AHNAK: variants seen among roughly 807,000 people sequenced by gnomAD.
The protein encoded by AHNAK is AHNAK nucleoprotein, also known as neuroblast differentiation-associated protein AHNAK.
In AHNAK, 23 loss-of-function variants were observed where a neutral mutation model predicts 37.8. The observed-to-expected ratio is 0.61, with a 90% confidence interval of 0.44 to 0.86. The LOEUF is 0.86. Ranked by LOEUF, AHNAK falls within the 40% of genes least tolerant of loss-of-function variation. The probability of loss-of-function intolerance (pLI) is 0.00; values close to 1 mark genes in which losing one functional copy is unlikely to be tolerated. For missense variants in AHNAK, 7,411 were observed against 7,319.4 expected (o/e 1.01, Z -0.46); for synonymous variants, 2,481 against 2,636.3 (o/e 0.94, Z 1.80).
At chr11:62,467,211 T>TA (rs57593006) in intron 5 of AHNAK, among the ~76,000 whole-genome samples, 118,070 of 137,966 alleles carry the variant, frequency 0.86, 50,673 homozygotes, top group South Asian at 0.93. Flanking sequence ...GATCCTGTCT[T>TA]AAAAAAAAAA....
intron 5 of AHNAK, among the ~76,000 whole-genome samples, chr11:62,462,147 G>C (rs1328823106): frequency 6.6e-6 from 1 of 152,078 alleles, no homozygotes; most frequent in East Asian, 1.9e-4. Flanking sequence ...CTGGCACCTG[G>C]AACTCCTCTT....
Position 62,509,310 on chromosome 11 carries a change from G to A in AHNAK, c.343-17479C>T, listed in dbSNP as rs530043839. ...CAGCCGGGCACGGTGGCTCACGCCTGTAATTCCAGCACTTTGGGAGGCCAA... is the reference window on the plus strand; with the variant it reads ...CAGCCGGGCACGGTGGCTCACGCCTATAATTCCAGCACTTTGGGAGGCCAA... On this transcript the variant is annotated intron_variant, in intron 4 of 5. Coordinates refer to the AHNAK transcript ENST00000257247. Among the ~76,000 whole-genome samples, 15 of 152,294 alleles carry A rather than the reference G, an allele frequency of 9.8e-5. No individual in the cohort carries two copies. The South Asian group carries it at 3.1e-3, about 32-fold the overall frequency.
rs781412667 is a variant in AHNAK, at chr11:62,524,124, T to C, written c.10293A>G (p.Gly3431=). The C allele has an allele frequency of 5.0e-6, 8 of 1,614,134 alleles. No individual in the cohort carries two copies. The highest frequency in any genetic ancestry group is 5.9e-6 in the Non-Finnish European group (7 of 1,180,034). The part of the protein sequence containing the change: ...ELNLKSPKVK[G]DLDIAGPNLE... ...AATTGGGACCTGCAATATCTAAGTC[T>C]CCTTTGACTTTGGGACTTTTCAAAT... The change falls in exon 5 of 5, where the codon GGA becomes GGG. Residue 3431 remains glycine (G), a synonymous_variant. Transcript: ENST00000378024.
intron 5 of AHNAK, among the ~76,000 whole-genome samples, chr11:62,465,308 A>G (rs73498057): frequency 0.022 from 3,399 of 152,220 alleles, 127 homozygotes; most frequent in African/African-American, 0.076. Context: ...GTCTTTGCAG[A>G]TGTGATCAAA....
chr11:62,518,855 C>T lies in AHNAK; in HGVS notation c.15562G>A (p.Gly5188Ser), dbSNP rs778384993. Reference protein sequence around the residue: ...LDAKVKTPSFGISAPQVSIPD... With the variant: ...LDAKVKTPSFSISAPQVSIPD... ...ATGGAGACTTGAGGGGCAGAAATGCCGAAGGACGGTGTTTTGACTTTAGCA... is the reference window on the plus strand; with the variant it reads ...ATGGAGACTTGAGGGGCAGAAATGCTGAAGGACGGTGTTTTGACTTTAGCA... The change falls in exon 5 of 5, where the codon GGC becomes AGC. Residue 5188 changes from glycine to serine, a missense_variant. By Grantham distance (56) the Gly-to-Ser change is moderately conservative. Coordinates refer to ENST00000378024, the MANE Select transcript of AHNAK (RefSeq NM_001620.3). 1.9e-5 allele frequency: 31 copies of T among 1,614,044 alleles called. No homozygotes were observed. In the Admixed American group the frequency reaches 3.3e-4, roughly 17 times the overall value.
intron 5 of AHNAK, among the ~76,000 whole-genome samples, chr11:62,441,065 A>G (rs1344255899): frequency 2.6e-5 from 4 of 151,718 alleles, no homozygotes; most frequent in African/African-American, 9.7e-5. Context: ...CAGTGGCATC[A>G]TCTCAGCTCA....
intron 5 of AHNAK, among the ~76,000 whole-genome samples, chr11:62,467,636 G>A (rs1938940422): frequency 6.6e-6 from 1 of 152,202 alleles, no homozygotes. Context: ...AGTGAGCCAA[G>A]ATCACACCAC....
intron 5 of AHNAK, among the ~76,000 whole-genome samples, chr11:62,453,904 A>G (rs186181185): frequency 4.0e-5 from 6 of 151,226 alleles, no homozygotes; most frequent in Admixed American, 2.6e-4. Flanking sequence ...GGCGGATCAC[A>G]AGGAACAGCC....
chr11:62,514,207 C>T (rs1321086190), downstream of AHNAK, among the ~76,000 whole-genome samples: 6 of 152,112 alleles, frequency 3.9e-5, no homozygotes, highest in South Asian at 2.1e-4. Context: ...ACCCCACTGT[C>T]GCACACTCAC....
Position 62,518,072 on chromosome 11 carries a change from C to T in AHNAK, c.16345G>A (p.Ala5449Thr), listed in dbSNP as rs753106545. The change falls in exon 5 of 5, where the codon GCA (alanine) becomes ACA (threonine). Residue 5449 changes from alanine to threonine, a missense_variant. By Grantham distance (58) the Ala-to-Thr change is moderately conservative. Coordinates refer to ENST00000378024, the MANE Select transcript of AHNAK (RefSeq NM_001620.3). ...DVNLKGPRIS[A>T]PNVDFNLEGP... Reference sequence around the variant, plus strand: ...TCCAAGTTAAAGTCCACATTCGGTGCTGAAATCCGAGGCCCTTTCAGGTTC... The same window carrying T: ...TCCAAGTTAAAGTCCACATTCGGTGTTGAAATCCGAGGCCCTTTCAGGTTC... 4 of 1,614,096 alleles carry T rather than the reference C, an allele frequency of 2.5e-6. No individual in the cohort carries two copies. In the East Asian group the frequency reaches 6.7e-5, roughly 27 times the overall value.
intron 5 of AHNAK, among the ~76,000 whole-genome samples, chr11:62,461,143 CTTTTTTTTTTT>C (rs71056521): frequency 1.3e-5 from 1 of 79,838 alleles, no homozygotes; most frequent in East Asian, 4.2e-4. Flanking sequence ...CCAAATTCCC[CTTTTTTTTTTT>C]TTTTTTTTTT....
chr11:62,532,589 C>T lies in AHNAK; in HGVS notation c.1828G>A (p.Val610Met), dbSNP rs1447803295. ...VPEVDVRGPK[V>M]DVSAPDVEAH... ...TCGACATCTGGGGCACTGACATCCA[C>T]TTTGGGGCCTCTGACATCAACTTCA... is the stretch of plus-strand genomic sequence containing the variant. The change falls in exon 5 of 5, where the codon GTG (valine) becomes ATG (methionine). Residue 610 changes from valine (V) to methionine (M), a missense_variant. Val to Met is a conservative substitution (Grantham distance 21). Transcript: ENST00000378024. 8 of 1,614,096 alleles carry T rather than the reference C, an allele frequency of 5.0e-6. No individual in the cohort carries two copies. The highest frequency in any genetic ancestry group is 2.5e-6 in the Non-Finnish European group (3 of 1,180,062).
rs757632175 is a variant in AHNAK, at chr11:62,528,515, G to A, written c.5902C>T (p.Pro1968Ser). 1 of 1,611,526 alleles carries A rather than the reference G, an allele frequency of 6.2e-7. No individual in the cohort carries two copies. Among genetic ancestry groups the A allele is most frequent in the South Asian group, 1.1e-5 (1 of 90,958 alleles). ...TTGGGCCCTTTCAACTTTGCATCAG[G>A]ACACTCCAGCTCAACATCAGGCACC... Reference protein sequence around the residue: ...VEVPDVELECPDAKLKGPKFK... With the variant: ...VEVPDVELECSDAKLKGPKFK... Residue 1968 changes from proline to serine, a missense_variant, in exon 5 of 5, where the codon CCT becomes TCT. Coordinates refer to ENST00000378024, the MANE Select transcript of AHNAK (RefSeq NM_001620.3).
Position 62,520,353 on chromosome 11 carries a change from C to T in AHNAK, c.14064G>A (p.Val4688=). The change falls in exon 5 of 5, where the codon GTG becomes GTA. Residue 4688 remains valine (V), a synonymous_variant. Transcript: ENST00000378024. ...KADIDVSGPK[V]DVDVPDVNIE... is the part of the protein sequence containing the mutation. ...TATTCACATCAGGAACATCAACGTCCACTTTGGGTCCTGAGACATCAATGT... is the reference window on the plus strand; with the variant it reads ...TATTCACATCAGGAACATCAACGTCTACTTTGGGTCCTGAGACATCAATGT... 1.2e-6 allele frequency: 2 copies of T among 1,613,230 alleles called. No homozygotes were observed. The highest frequency in any genetic ancestry group is 1.7e-6 in the Non-Finnish European group (2 of 1,179,860).
chr11:62,497,393 G>T (rs1399945120), intron 4 of AHNAK, among the ~76,000 whole-genome samples: 1 of 152,150 alleles, frequency 6.6e-6, no homozygotes, highest in Non-Finnish European at 1.5e-5. Flanking sequence ...AGGGAAGGGG[G>T]AGGTCACTCC....
chr11:62,536,180 G>A (rs927933534), intron 2 of AHNAK, 82 bp from the exon 3 acceptor site: 91 of 1,437,734 alleles, frequency 6.3e-5, no homozygotes, highest in Middle Eastern at 1.8e-4. Flanking sequence ...AATCTCTGGC[G>A]CTGTGAACTC....
intron 5 of AHNAK, among the ~76,000 whole-genome samples, chr11:62,465,784 T>C (rs1412011577): frequency 3.3e-5 from 5 of 152,136 alleles, no homozygotes; most frequent in Admixed American, 3.3e-4. Flanking sequence ...ATTGGAGTTA[T>C]GCTGCTCTAA....
rs1454241357 is a variant in AHNAK at position 62,533,477 on chromosome 11, A to T, written c.940T>A (p.Phe314Ile). 6.2e-7 allele frequency: 1 copy of T among 1,614,152 alleles called. No individual in the cohort carries two copies. Among genetic ancestry groups the T allele is most frequent in the Non-Finnish European group, 8.5e-7 (1 of 1,180,028 alleles). The change falls in exon 5 of 5, where the codon TTT becomes ATT. Residue 314 changes from phenylalanine (F) to isoleucine (I), a missense_variant. Coordinates refer to ENST00000378024, the MANE Select transcript of AHNAK (RefSeq NM_001620.3). ...IKFPTMKVPK[F>I]GVSTGREGQT... The stretch of plus-strand genomic sequence containing the variant: ...CCCTCACGCCCTGTTGAGACACCAA[A>T]TTTCGGCACTTTCATGGTGGGAAAT...
Position 62,529,487 on chromosome 11 carries a change from G to A in AHNAK, c.4930C>T (p.Pro1644Ser). 1.2e-6 allele frequency: 2 copies of A among 1,614,108 alleles called. No homozygotes were observed. Among genetic ancestry groups the A allele is most frequent in the South Asian group, 1.1e-5 (1 of 91,078 alleles). ...TTGGGGGCCTTGAAATGCATCTCAG[G>A]CATCTTAAACTTGGGGCCCTTCAAC... Reference protein sequence around the residue: ...GKLKGPKFKMPEMHFKAPKIS... With the variant: ...GKLKGPKFKMSEMHFKAPKIS... Residue 1644 changes from proline to serine, a missense_variant, in exon 5 of 5, where the codon CCT (proline) becomes TCT (serine). Pro to Ser is a moderately conservative substitution (Grantham distance 74). Coordinates refer to ENST00000378024, the MANE Select transcript of AHNAK (RefSeq NM_001620.3).
Sources: gnomAD v4.1 joint callset for allele counts (sites outside exome capture counted in the v4.1 genomes callset) on GRCh38, gnomAD v4.1.1 for gene constraint, MANE v1.5 for transcripts, NCBI Gene and HGNC (gene_info 2026-07-23, HGNC 2026-07-21) for gene names.